UNC13C: variants seen among roughly 807,000 people sequenced by gnomAD.
UNC13C encodes protein unc-13 homolog C.
Under a neutral mutation model 245.4 loss-of-function variants are expected in UNC13C, and 174 were observed. The observed-to-expected ratio is 0.71, with a 90% CI of 0.63 to 0.80. The LOEUF is 0.80. Ranked by LOEUF, UNC13C falls within the 30% of genes least tolerant of loss-of-function variation. UNC13C has a pLI of 0.00. For synonymous variants in UNC13C, 992 were observed against 895.1 expected, an observed-to-expected ratio of 1.11 and a Z score of -1.93; for missense variants, 2,829 against 2,602.9, an observed-to-expected ratio of 1.09 and a Z score of -1.89.
At chr15:54,035,262 T>C (rs936303206) in intron 2 of UNC13C, among the ~76,000 whole-genome samples, 8 of 152,348 alleles carry the variant, frequency 5.3e-5, no homozygotes, top group African/African-American at 9.6e-5. Context: ...TTGCGATATA[T>C]TAAGTCAAAC....
intron 26 of UNC13C, among the ~76,000 whole-genome samples, chr15:54,533,590 GA>G: frequency 6.6e-6 from 1 of 152,340 alleles, no homozygotes; most frequent in Non-Finnish European, 1.5e-5. Flanking sequence ...GGACAGTGAA[GA>G]AAAAGAAAGC....
In UNC13C at chr15:54,264,233, A is replaced by C. The variant is rs947599799; in HGVS notation, c.3514A>C (p.Lys1172Gln). The change falls in exon 9 of 33, where the codon AAA becomes CAA. Residue 1172 changes from lysine (K) to glutamine (Q), a missense_variant. Transcript: ENST00000260323. ...DKTQTIITAMKERMKIREKNR... is the reference protein window; with the variant it reads ...DKTQTIITAMQERMKIREKNR... ...GACTCAGACCATTATTACAGCAATG[A>C]AAGAAAGAATGAAGATCAGGGAGAA... 91 of 1,596,764 alleles carry C rather than the reference A, an allele frequency of 5.7e-5. No individual in the cohort carries two copies. Among genetic ancestry groups the C allele is most frequent in the Non-Finnish European group, 7.3e-5 (86 of 1,171,126 alleles).
chr15:54,214,410 G>A (rs930385731), intron 4 of UNC13C, among the ~76,000 whole-genome samples: 6 of 151,846 alleles, frequency 4.0e-5, no homozygotes, highest in African/African-American at 1.4e-4. Context: ...TATGTTTTTC[G>A]TTGCAGTCAG....
intron 19 of UNC13C, among the ~76,000 whole-genome samples, chr15:54,478,606 T>C (rs1204517748): frequency 1.3e-5 from 2 of 151,798 alleles, no homozygotes; most frequent in African/African-American, 4.8e-5. Flanking sequence ...TCAGTTTCCA[T>C]GTAGTTGAGC....
At chr15:54,186,569 T>C (rs2141315429) in intron 4 of UNC13C, among the ~76,000 whole-genome samples, 1 of 151,296 alleles carries the variant, frequency 6.6e-6, no homozygotes, top group South Asian at 2.1e-4. Context: ...GTATAATTTT[T>C]CCTCCAAGTG....
intron 19 of UNC13C, among the ~76,000 whole-genome samples, chr15:54,445,310 T>C (rs547699398): frequency 1.3e-5 from 2 of 152,316 alleles, no homozygotes; most frequent in Non-Finnish European, 2.9e-5. Flanking sequence ...GCATGATTTA[T>C]AATCCTTTGG....
chr15:54,516,799 CAA>C (rs59628073), intron 24 of UNC13C, among the ~76,000 whole-genome samples: 5 of 123,598 alleles, frequency 4.0e-5, no homozygotes, highest in Admixed American at 8.7e-5. Context: ...GATGCTGTCT[CAA>C]AAAAAAAAAA....
chr15:54,461,061 AT>A (rs1396594965), intron 19 of UNC13C, among the ~76,000 whole-genome samples: 1 of 151,358 alleles, frequency 6.6e-6, no homozygotes, highest in Non-Finnish European at 1.5e-5. Flanking sequence ...TTCAATCAGT[AT>A]GTTTGAATTT....
intron 2 of UNC13C, among the ~76,000 whole-genome samples, chr15:54,097,266 C>T (rs1005860167): frequency 1.3e-5 from 2 of 152,166 alleles, no homozygotes; most frequent in Non-Finnish European, 2.9e-5. Flanking sequence ...GTCCATCTCT[C>T]CTTCAAAATT....
chr15:54,380,861 C>T (rs1178627324), intron 17 of UNC13C, among the ~76,000 whole-genome samples: 1 of 152,024 alleles, frequency 6.6e-6, no homozygotes, highest in African/African-American at 2.4e-5. Context: ...TGGGTAGTAA[C>T]TCCTTATCAA....
At chr15:54,167,602 G>GAAAAAAAAAAAAAAAAAAAAAAAA (rs35210236) in intron 4 of UNC13C, among the ~76,000 whole-genome samples, 2 of 63,568 alleles carry the variant, frequency 3.1e-5, no homozygotes, top group Non-Finnish European at 5.8e-5. Context: ...ATCCAAATAG[G>GAAAAAAAAAAAAAAAAAAAAAAAA]AAAAAAAAAA....
chr15:54,323,857 G>A (rs2140983173), intron 14 of UNC13C, among the ~76,000 whole-genome samples: 1 of 152,130 alleles, frequency 6.6e-6, no homozygotes, highest in Non-Finnish European at 1.5e-5. Context: ...TGAAGAAAAA[G>A]CCAACATCAT....
intron 19 of UNC13C, among the ~76,000 whole-genome samples, chr15:54,444,871 T>A (rs1388542278): frequency 3.3e-5 from 5 of 151,940 alleles, no homozygotes; most frequent in Non-Finnish European, 5.9e-5. Context: ...AACGTGCAGG[T>A]TTGTTACATA....
the UNC13C span, among the ~76,000 whole-genome samples, chr15:53,858,862 A>G: frequency 6.6e-6 from 1 of 152,212 alleles, no homozygotes; most frequent in Non-Finnish European, 1.5e-5. Flanking sequence ...TTCATACAGT[A>G]GTTGGAATAA....
chr15:54,177,324 C>A (rs2033649074), intron 4 of UNC13C, among the ~76,000 whole-genome samples: 1 of 152,116 alleles, frequency 6.6e-6, no homozygotes, highest in Admixed American at 6.5e-5. Flanking sequence ...TCGTTGGGTT[C>A]TCTGAAGAGG....
chr15:54,205,617 T>C (rs1171144042), intron 4 of UNC13C, among the ~76,000 whole-genome samples: 1 of 152,064 alleles, frequency 6.6e-6, no homozygotes, highest in Non-Finnish European at 1.5e-5. Context: ...TTCCACCATT[T>C]AGCCCCAGTT....
At chr15:54,288,672 A>T (rs370366392) in intron 10 of UNC13C, among the ~76,000 whole-genome samples, 3 of 152,082 alleles carry the variant, frequency 2.0e-5, no homozygotes, top group African/African-American at 7.2e-5. Flanking sequence ...AGGTTGTTGT[A>T]TGAGTGTACT....
At chr15:53,953,066 C>T in the UNC13C span, among the ~76,000 whole-genome samples, 2 of 152,282 alleles carry the variant, frequency 1.3e-5, no homozygotes, top group South Asian at 4.1e-4. Flanking sequence ...TGAATTAGCA[C>T]CTCACAACAG....
At chr15:54,494,822 T>C in intron 20 of UNC13C, 88 bp downstream of exon 20, 1 of 1,451,442 alleles carries the variant, frequency 6.9e-7, no homozygotes, top group East Asian at 2.4e-5. Flanking sequence ...CTAAAATCTC[T>C]TCACATAATC....
Sources: allele counts gnomAD v4.1 joint callset (sites outside exome capture counted in the v4.1 genomes callset), GRCh38; gene constraint gnomAD v4.1.1; transcripts MANE v1.5; gene names NCBI Gene and HGNC (gene_info 2026-07-23, HGNC 2026-07-21).